Variants in VILL observed in about 807,000 individuals in gnomAD.
The protein encoded by VILL is villin like, also known as villin-like protein.
In VILL, 102 loss-of-function variants were observed where a neutral mutation model predicts 106.3. The ratio of observed to expected loss-of-function variants is 0.96; its 90% CI spans 0.82 to 1.13. The LOEUF (loss-of-function observed/expected upper bound fraction) is 1.13, where lower values mean the gene tolerates loss of function less well. Ranked by LOEUF, VILL falls within the 50% of genes most tolerant of loss-of-function variation. VILL has a pLI of 0.00. For missense variants in VILL, 1,076 were observed against 1,116.6 expected, an observed-to-expected ratio of 0.96 and a Z score of 0.52; for synonymous variants, 431 against 440.3, an observed-to-expected ratio of 0.98 and a Z score of 0.27.
chr3:38,006,950 C>G lies in VILL; in HGVS notation c.2466C>G (p.Leu822=). ...GVDPARREFY[L]SDSDFQDIFG... is the part of the protein sequence containing the mutation. ...CTCTCTCCCCTGCCCAGTTCTATCT[C>G]TCAGACTCTGACTTCCAAGATATCT... The change falls in exon 20 of 20, where the codon CTC becomes CTG. Residue 822 remains leucine (L), a synonymous_variant. Coordinates refer to ENST00000383759, the MANE Select transcript of VILL (RefSeq NM_015873.4). The G allele has an allele frequency of 6.2e-7, 1 of 1,613,946 alleles. No individual in the cohort carries two copies. The highest frequency in any genetic ancestry group is 8.5e-7 in the Non-Finnish European group (1 of 1,179,850).
At chr3:38,003,055 G>A in intron 14 of VILL, 113 bp from the exon 15 acceptor site, 1 of 1,352,600 alleles carries the variant, frequency 7.4e-7, no homozygotes. Context: ...TGTCAGCTTA[G>A]GCCTCCTGTG....
chr3:38,000,890 C>T (rs188581578), intron 11 of VILL: 6 of 456,570 alleles, frequency 1.3e-5, no homozygotes, highest in Non-Finnish European at 2.6e-5. Flanking sequence ...GGGAAAGGCC[C>T]GAAGCTTAGA....
intron 11 of VILL, chr3:38,001,132 G>T: frequency 3.8e-6 from 2 of 526,354 alleles, no homozygotes; most frequent in Non-Finnish European, 7.1e-6. Context: ...GGCCTGAGCA[G>T]CGAGCAGCTG....
intron 4 of VILL, 43 bp downstream of exon 4, chr3:37,994,509 G>T (rs375573950): frequency 1.9e-6 from 3 of 1,591,846 alleles, no homozygotes; most frequent in South Asian, 1.1e-5. Flanking sequence ...CCGTGGAGGC[G>T]GTGCCTTGGC....
At chr3:38,005,597 TG>T (rs1699901622) in intron 16 of VILL, among the ~76,000 whole-genome samples, 194 bp from the exon 17 acceptor site, 1 of 152,186 alleles carries the variant, frequency 6.6e-6, no homozygotes, top group African/African-American at 2.4e-5. Context: ...TGTGTGTGCA[TG>T]TATGCATGCA....
rs1699665159 is a variant in VILL at position 37,994,421 on chromosome 3, G to A, written c.296G>A (p.Gly99Asp). ...ACCGTGCTGCACCGCGAGGCGCAGG[G>A]CCACGAGTCCGACTGCTTCTGCAGC... ...GQTVLHREAQ[G>D]HESDCFCSYF... is the part of the protein sequence containing the mutation. Residue 99 changes from glycine (G) to aspartate (D), a missense_variant, in exon 4 of 20, where the codon GGC (glycine) becomes GAC (aspartate). Gly to Asp is a moderately conservative substitution (Grantham distance 94, BLOSUM62 -1). Coordinates refer to ENST00000383759, the MANE Select transcript of VILL (RefSeq NM_015873.4). The A allele has an allele frequency of 1.9e-6, 3 of 1,612,784 alleles. No homozygotes were observed. The highest frequency in any genetic ancestry group is 2.5e-6 in the Non-Finnish European group (3 of 1,179,892).
At position 37,997,132 on chromosome 3, in the gene VILL, G is replaced by A. The variant is rs766496615; in HGVS notation, c.506G>A (p.Gly169Asp). The A allele has an allele frequency of 1.2e-6, 2 of 1,614,146 alleles. No homozygotes were observed. Among genetic ancestry groups the A allele is most frequent in the African/African-American group, 1.3e-5 (1 of 75,042 alleles). The change falls in exon 6 of 20, where the codon GGC becomes GAC. Residue 169 changes from glycine (G) to aspartate (D), a missense_variant. Physicochemically the swap from Gly to Asp is moderately conservative, Grantham distance 94. Coordinates refer to ENST00000383759, the MANE Select transcript of VILL (RefSeq NM_015873.4). The surrounding 1 kb of genome is among the most constrained non-coding windows in gnomAD (Gnocchi z 4.7). Reference protein sequence around the residue: ...NKGDIFLLDLGKMMIQWNGPK... With the variant: ...NKGDIFLLDLDKMMIQWNGPK... Reference sequence around the variant, plus strand: ...GGTGACATCTTCCTGCTGGACCTAGGCAAGATGATGATTCAGTGGAATGGG... The same window carrying A: ...GGTGACATCTTCCTGCTGGACCTAGACAAGATGATGATTCAGTGGAATGGG...
In VILL at chr3:37,998,925, C is replaced by A. The variant is rs1430922287; in HGVS notation, c.956C>A (p.Ala319Asp). The stretch of plus-strand genomic sequence containing the variant: ...CTTCCGCCCCAGGGCTTCATCCAGG[C>A]CAAGGGCTACCCGACCTACACCAAC... The part of the protein sequence containing the change: ...AFSRAVGFIQ[A>D]KGYPTYTNVE... The change falls in exon 10 of 20, where the codon GCC becomes GAC. Residue 319 changes from alanine (A) to aspartate (D), a missense_variant. Coordinates refer to ENST00000383759, the MANE Select transcript of VILL (RefSeq NM_015873.4). This position sits in a 1 kb window ranked among gnomAD's most constrained non-coding sequence, Gnocchi z 4.1. 11 of 1,606,588 alleles carry A rather than the reference C, an allele frequency of 6.8e-6. No homozygotes were observed. The highest frequency in any genetic ancestry group is 9.4e-6 in the Non-Finnish European group (11 of 1,175,412).
At chr3:37,988,632 G>T (rs1381227340), upstream of VILL, among the ~76,000 whole-genome samples, 2 of 152,238 alleles carry the variant, frequency 1.3e-5, no homozygotes, top group African/African-American at 4.8e-5. Flanking sequence ...GGAGGCTGAG[G>T]CCGGTGGATC....
intron 13 of VILL, 44 bp from the exon 14 acceptor site, chr3:38,002,352 C>A (rs1191057567): frequency 7.8e-6 from 12 of 1,544,794 alleles, no homozygotes; most frequent in Non-Finnish European, 1.0e-5. Flanking sequence ...CAGGAAGGCG[C>A]CCCTGGGAGC....
In VILL at chr3:37,999,063, G is replaced by GGTGA; in HGVS notation, c.1081+14_1081+15insTGAG. On this transcript the variant is annotated intron_variant, in intron 10 of 19. Transcript: ENST00000383759. ...CTCGGCGGGAGGGGTGAGCGGGCGG[G>GGTGA]GCGGGGCTGACGGGGGCGGGGCGGG... 6.8e-7 allele frequency: 1 copy of GGTGA among 1,464,134 alleles called. No individual in the cohort carries two copies. The highest frequency in any genetic ancestry group is 9.1e-7 in the Non-Finnish European group (1 of 1,095,764). The allele number at this position is 1,464,134 out of a possible 1,614,324, so 90.7% of individuals were successfully genotyped here.
In VILL at chr3:38,004,402, A is replaced by G; in HGVS notation, c.1950+3A>G. On this transcript the variant is annotated splice_donor_region_variant and intron_variant, in intron 16 of 19. Transcript: ENST00000383759. ...TGTTACTGGACACCTGGCAGGAGGT[A>G]AGGTGGCCATCCCTGCCTGGTGGGG... The G allele has an allele frequency of 6.2e-7, 1 of 1,603,308 alleles. No individual in the cohort carries two copies.
At position 38,003,285 on chromosome 3, in the gene VILL, G is replaced by A; in HGVS notation, c.1777G>A (p.Gly593Ser). 2 of 1,612,590 alleles carry A rather than the reference G, an allele frequency of 1.2e-6. No homozygotes were observed. The highest frequency in any genetic ancestry group is 1.7e-6 in the Non-Finnish European group (2 of 1,179,526). ...TCCCCACTTCTGGGAGGCCCTGGGAGGCCGGGCCCCCTACCCCAGCAACAA... is the reference window on the plus strand; with the variant it reads ...TCCCCACTTCTGGGAGGCCCTGGGAAGCCGGGCCCCCTACCCCAGCAACAA... Reference protein sequence around the residue: ...EPPHFWEALGGRAPYPSNKRL... With the variant: ...EPPHFWEALGSRAPYPSNKRL... Residue 593 changes from glycine to serine, a missense_variant, in exon 15 of 20, where the codon GGC becomes AGC. Coordinates refer to ENST00000383759, the MANE Select transcript of VILL (RefSeq NM_015873.4).
intron 18 of VILL, 60 bp downstream of exon 18, chr3:38,006,312 G>T: frequency 3.1e-6 from 5 of 1,612,766 alleles, no homozygotes; most frequent in Non-Finnish European, 4.2e-6. Flanking sequence ...GCATGGTCCT[G>T]ATGGGCAGGG....
rs753585188 is a variant in VILL, at chr3:38,001,812, G to GC, written c.1438dup (p.His480ProfsTer38). ...AGGAGCATGTGACCATGGGCAGCGAGCCCCCCCACTTCCTCGCCATCTTCC... is the reference window on the plus strand; with the variant it reads ...AGGAGCATGTGACCATGGGCAGCGAGCCCCCCCCACTTCCTCGCCATCTTCC... On this transcript the variant is annotated frameshift_variant, in exon 13 of 20. Coordinates refer to ENST00000383759, the MANE Select transcript of VILL (RefSeq NM_015873.4). LOFTEE classifies it high-confidence loss of function. 26 of 1,614,112 alleles carry GC rather than the reference G, an allele frequency of 1.6e-5. No homozygotes were observed. Among genetic ancestry groups the GC allele is most frequent in the African/African-American group, 9.3e-5 (7 of 75,044 alleles).
Position 37,998,218 on chromosome 3 carries a change from C to T in VILL, c.844-48C>T, listed in dbSNP as rs1250044142. On this transcript the variant is annotated intron_variant, in intron 8 of 19. Transcript: ENST00000383759. This position sits in a 1 kb window ranked among gnomAD's most constrained non-coding sequence, Gnocchi z 4.1. Reference sequence around the variant, plus strand: ...CTTGCATCCTTCCCCATCCACAACCCCAGCCCAGTCTGGACCACCTACTGA... The same window carrying T: ...CTTGCATCCTTCCCCATCCACAACCTCAGCCCAGTCTGGACCACCTACTGA... 6.2e-7 allele frequency: 1 copy of T among 1,613,796 alleles called. No individual in the cohort carries two copies. The highest frequency in any genetic ancestry group is 8.5e-7 in the Non-Finnish European group (1 of 1,179,816).
Position 37,997,224 on chromosome 3 carries a change from T to C in VILL, c.561+37T>C. 4 of 1,599,126 alleles carry C rather than the reference T, an allele frequency of 2.5e-6. No individual in the cohort carries two copies. The highest frequency in any genetic ancestry group is 2.6e-6 in the Non-Finnish European group (3 of 1,166,966). On this transcript the variant is annotated intron_variant, in intron 6 of 19. Transcript: ENST00000383759. The surrounding 1 kb of genome is among the most constrained non-coding windows in gnomAD (Gnocchi z 4.7). ...CCCAAGGAACTGGGGAGTACGGGGCTTGGGCGGGGAATGATCCTCCAGTTG... is the reference window on the plus strand; with the variant it reads ...CCCAAGGAACTGGGGAGTACGGGGCCTGGGCGGGGAATGATCCTCCAGTTG...
intron 14 of VILL, 167 bp downstream of exon 14, chr3:38,002,742 G>C: frequency 1.2e-6 from 1 of 821,100 alleles, no homozygotes; most frequent in Non-Finnish European, 1.8e-6. Flanking sequence ...CTTGGGGAAA[G>C]TTACAAAGTG....
At chr3:38,001,908 G>A in intron 13 of VILL, 48 bp downstream of exon 13, 4 of 1,612,998 alleles carry the variant, frequency 2.5e-6, no homozygotes, top group Non-Finnish European at 2.5e-6. Context: ...AGTTCTGCAT[G>A]GGCCATGGCC....
Sources: gnomAD v4.1 joint callset for allele counts (sites outside exome capture counted in the v4.1 genomes callset) on GRCh38, gnomAD v4.1.1 for gene constraint, Gnocchi (gnomAD v3.1) non-coding constraint, MANE v1.5 for transcripts, NCBI Gene and HGNC (gene_info 2026-07-23, HGNC 2026-07-21) for gene names.